PLD1: variants seen among roughly 807,000 people sequenced by gnomAD.
PLD1 encodes choline phosphatase 1.
PLD1 carries 112 observed loss-of-function variants against 137.1 expected under a neutral mutation model. The ratio of observed to expected loss-of-function variants is 0.82; its 90% confidence interval spans 0.70 to 0.96. The LOEUF (loss-of-function observed/expected upper bound fraction) is 0.96, where lower values mean the gene tolerates loss of function less well. PLD1 is among the 40% of genes least tolerant of loss of function. PLD1 has a pLI of 0.00. For missense variants in PLD1, 1,321 were observed against 1,342.0 expected (o/e 0.98, Z 0.24); for synonymous variants, 431 against 454.7 (o/e 0.95, Z 0.66).
At chr3:171,636,031 G>T (rs1735103681) in intron 23 of PLD1, among the ~76,000 whole-genome samples, 1 of 75,242 alleles carries the variant, frequency 1.3e-5, no homozygotes, top group African/African-American at 4.9e-5. Context: ...AGCACCATTT[G>T]CTGAAAAGAC....
intron 1 of PLD1, among the ~76,000 whole-genome samples, chr3:171,750,402 C>G (rs1035114783): frequency 6.6e-6 from 1 of 151,456 alleles, no homozygotes; most frequent in Non-Finnish European, 1.5e-5. Flanking sequence ...TGTGATAATA[C>G]TTTAAAAATC....
intron 1 of PLD1, among the ~76,000 whole-genome samples, chr3:171,808,077 TGGGA>T (rs1410622301): frequency 1.3e-5 from 2 of 151,984 alleles, no homozygotes; most frequent in Non-Finnish European, 2.9e-5. Context: ...CTACTAGACG[TGGGA>T]GGGAGGAAGG....
chr3:171,711,197 A>T (rs1203593491), intron 9 of PLD1, among the ~76,000 whole-genome samples: 1 of 73,482 alleles, frequency 1.4e-5, no homozygotes. Flanking sequence ...TTTGAAATGG[A>T]GTCTTGCTTT....
At position 171,687,416 on chromosome 3, in the gene PLD1, G is replaced by A. The variant is rs757426953; in HGVS notation, c.1708C>T (p.His570Tyr). The change falls in exon 15 of 27, where the codon CAC becomes TAC. Residue 570 changes from histidine to tyrosine, a missense_variant. By Grantham distance (83) the His-to-Tyr change is moderately conservative (BLOSUM62 2). Transcript: ENST00000351298. Reference sequence around the variant, plus strand: ...CTGATGCTATCTGCGTCGTGCAGGTGGTGCCTGTGGAGCTGCTTGTAGAGA... The same window carrying A: ...CTGATGCTATCTGCGTCGTGCAGGTAGTGCCTGTGGAGCTGCTTGTAGAGA... ...FSLYKQLHRH[H>Y]LHDADSISSI... The A allele has an allele frequency of 6.8e-6, 11 of 1,614,116 alleles. No homozygotes were observed. In the East Asian group the frequency reaches 2.5e-4, roughly 36 times the overall value.
At chr3:171,708,446 A>T (rs992316166) in intron 11 of PLD1, among the ~76,000 whole-genome samples, 2 of 152,218 alleles carry the variant, frequency 1.3e-5, no homozygotes, top group African/African-American at 4.8e-5. Context: ...ACATCCAAAG[A>T]CACCATTACC....
intron 1 of PLD1, among the ~76,000 whole-genome samples, chr3:171,808,213 G>C (rs934149890): frequency 6.6e-6 from 1 of 151,704 alleles, no homozygotes; most frequent in African/African-American, 2.4e-5. Flanking sequence ...TGTACCCCCT[G>C]TATCTAAAAT....
intron 25 of PLD1, among the ~76,000 whole-genome samples, 193 bp from the exon 26 acceptor site, chr3:171,605,609 A>T (rs1248613521): frequency 2.6e-5 from 4 of 152,234 alleles, no homozygotes; most frequent in African/African-American, 9.6e-5. Context: ...ACCACACATA[A>T]ACAGCGGACT....
At chr3:171,747,119 C>A (rs765262975) in intron 1 of PLD1, among the ~76,000 whole-genome samples, 1 of 152,146 alleles carries the variant, frequency 6.6e-6, no homozygotes, top group African/African-American at 2.4e-5. Flanking sequence ...AGCGAGACCA[C>A]GAACCCACCA....
chr3:171,795,122 C>T (rs1407698801), intron 1 of PLD1, among the ~76,000 whole-genome samples: 2 of 152,182 alleles, frequency 1.3e-5, no homozygotes, highest in African/African-American at 4.8e-5. Context: ...ACTTCAAATC[C>T]TCTCAAACTT....
chr3:171,690,810 T>G (rs1715080900), intron 13 of PLD1, among the ~76,000 whole-genome samples: 1 of 152,198 alleles, frequency 6.6e-6, no homozygotes, highest in Non-Finnish European at 1.5e-5. Flanking sequence ...CTGCTGTTGT[T>G]GGGTAGAATG....
intron 1 of PLD1, among the ~76,000 whole-genome samples, chr3:171,798,769 C>T (rs1415983892): frequency 6.6e-6 from 1 of 152,166 alleles, no homozygotes. Context: ...GTCCCAAGGC[C>T]CAGCTCTGGA....
At chr3:171,614,274 A>G (rs1732910474) in intron 24 of PLD1, among the ~76,000 whole-genome samples, 1 of 152,184 alleles carries the variant, frequency 6.6e-6, no homozygotes, top group Non-Finnish European at 1.5e-5. Context: ...TTTTGTTAGC[A>G]CCAAATCATC....
chr3:171,766,980 T>C (rs997319953), intron 1 of PLD1, among the ~76,000 whole-genome samples: 2 of 152,222 alleles, frequency 1.3e-5, no homozygotes, highest in Non-Finnish European at 2.9e-5. Flanking sequence ...TAAAAAAATA[T>C]ATGTCTCATA....
At chr3:171,676,912 T>C in intron 17 of PLD1, 79 bp from the exon 18 acceptor site, 1 of 945,428 alleles carries the variant, frequency 1.1e-6, no homozygotes. Context: ...ACTATGAAAC[T>C]AAAAGGAAAC....
intron 1 of PLD1, chr3:171,793,796 C>T (rs1404465930): frequency 1.3e-5 from 2 of 152,178 alleles, no homozygotes; most frequent in East Asian, 3.9e-4. Context: ...TGTCACACTG[C>T]CTAGGTTATT....
chr3:171,632,008 C>T (rs1301696962), intron 23 of PLD1, among the ~76,000 whole-genome samples: 1 of 152,108 alleles, frequency 6.6e-6, no homozygotes, highest in East Asian at 1.9e-4. Context: ...CTACAAAATA[C>T]TATTAATTAT....
At chr3:171,730,260 T>G (rs1487650098) in intron 6 of PLD1, among the ~76,000 whole-genome samples, 1 of 152,174 alleles carries the variant, frequency 6.6e-6, no homozygotes, top group East Asian at 1.9e-4. Context: ...ATTGCTATTT[T>G]TTTACATATT....
At chr3:171,646,947 T>C (rs1004038733) in intron 21 of PLD1, among the ~76,000 whole-genome samples, 6 of 152,186 alleles carry the variant, frequency 3.9e-5, no homozygotes, top group South Asian at 2.1e-4. Flanking sequence ...GAATCCCACT[T>C]CTTCTAGGTC....
intron 24 of PLD1, among the ~76,000 whole-genome samples, chr3:171,616,368 C>T (rs370885403): frequency 5.2e-4 from 79 of 152,216 alleles, no homozygotes; most frequent in African/African-American, 1.9e-3. Context: ...AATTGTGAAT[C>T]CTTGTGTGGT....
Sources: gnomAD v4.1 joint callset for allele counts (sites outside exome capture counted in the v4.1 genomes callset) on GRCh38, gnomAD v4.1.1 for gene constraint, MANE v1.5 for transcripts, NCBI Gene and HGNC (gene_info 2026-07-23, HGNC 2026-07-21) for gene names.